Variants in PTPRZ1 observed in about 807,000 individuals in gnomAD.
PTPRZ1 encodes receptor-type tyrosine-protein phosphatase zeta.
Under a neutral mutation model 214.1 loss-of-function variants are expected in PTPRZ1, and 82 were observed. The ratio of observed to expected loss-of-function variants is 0.38; its 90% CI spans 0.32 to 0.46. PTPRZ1 has a LOEUF of 0.46. Among genes scored for constraint, PTPRZ1 ranks in the 20% least tolerant of loss-of-function variants. PTPRZ1 has a pLI of 1.00. For missense variants in PTPRZ1, 2,603 were observed against 2,748.7 expected, an observed-to-expected ratio of 0.95 and a Z score of 1.19; for synonymous variants, 945 against 987.9, an observed-to-expected ratio of 0.96 and a Z score of 0.81.
At chr7:121,995,086 T>C (rs1211892746) in intron 8 of PTPRZ1, among the ~76,000 whole-genome samples, 1 of 152,228 alleles carries the variant, frequency 6.6e-6, no homozygotes, top group Admixed American at 6.5e-5. Context: ...GCTAAAATTG[T>C]GACTACTAAG....
chr7:121,902,654 A>G (rs116289050), intron 1 of PTPRZ1, among the ~76,000 whole-genome samples: 4,279 of 152,010 alleles, frequency 0.028, 206 homozygotes, highest in African/African-American at 0.097. Context: ...TGCCATTTGT[A>G]TGTCTTCTTT....
At chr7:121,983,413 T>A (rs1298557745) in intron 6 of PTPRZ1, among the ~76,000 whole-genome samples, 1 of 152,246 alleles carries the variant, frequency 6.6e-6, no homozygotes, top group African/African-American at 2.4e-5. Context: ...GATTTCTGAG[T>A]ATTTTTATAT....
intron 8 of PTPRZ1, among the ~76,000 whole-genome samples, chr7:121,986,924 A>C (rs1321518159): frequency 4.6e-5 from 7 of 152,136 alleles, no homozygotes; most frequent in Admixed American, 4.6e-4. Flanking sequence ...CACACCAACT[A>C]CTTTGTTATG....
chr7:121,956,935 A>C (rs1796724525), intron 2 of PTPRZ1, among the ~76,000 whole-genome samples: 1 of 152,200 alleles, frequency 6.6e-6, no homozygotes, highest in African/African-American at 2.4e-5. Context: ...ACAATAATGA[A>C]ATGTTGTGTC....
At chr7:121,981,447 A>C (rs922375400) in intron 6 of PTPRZ1, among the ~76,000 whole-genome samples, 9 of 152,214 alleles carry the variant, frequency 5.9e-5, no homozygotes, top group Non-Finnish European at 1.2e-4. Context: ...TAATGGCCTT[A>C]ATCTCATAGA....
chr7:121,916,208 A>C (rs758711034), intron 1 of PTPRZ1, among the ~76,000 whole-genome samples: 16 of 145,462 alleles, frequency 1.1e-4, no homozygotes, highest in Non-Finnish European at 1.8e-4. Context: ...TGGGAGCCGG[A>C]GGTTGCAGTG....
At chr7:121,930,881 A>G (rs1171486899) in intron 2 of PTPRZ1, among the ~76,000 whole-genome samples, 1 of 152,188 alleles carries the variant, frequency 6.6e-6, no homozygotes, top group East Asian at 1.9e-4. Context: ...ATTATGAGAA[A>G]CATGTCAGGA....
At chr7:121,916,229 G>A (rs957827304) in intron 1 of PTPRZ1, among the ~76,000 whole-genome samples, 14 of 148,596 alleles carry the variant, frequency 9.4e-5, no homozygotes, top group South Asian at 2.1e-4. Context: ...AGCCGAGATC[G>A]TGCCACTGCA....
chr7:121,890,452 T>A (rs1222512643), intron 1 of PTPRZ1, among the ~76,000 whole-genome samples: 2 of 152,164 alleles, frequency 1.3e-5, no homozygotes, highest in Admixed American at 6.5e-5. Flanking sequence ...CACACTTGCA[T>A]CATGTCTTCT....
intron 2 of PTPRZ1, among the ~76,000 whole-genome samples, chr7:121,932,933 G>A (rs987788135): frequency 6.6e-6 from 1 of 152,068 alleles, no homozygotes; most frequent in Non-Finnish European, 1.5e-5. Context: ...GGTAAATACA[G>A]TTGACAGTCC....
chr7:121,996,625 A>G, intron 9 of PTPRZ1, 59 bp downstream of exon 9: 1 of 1,298,922 alleles, frequency 7.7e-7, no homozygotes, highest in Non-Finnish European at 1.0e-6. Context: ...TTCCAAGGTA[A>G]GAACTTACAA....
At chr7:121,949,660 A>G (rs1223407388) in intron 2 of PTPRZ1, among the ~76,000 whole-genome samples, 1 of 152,188 alleles carries the variant, frequency 6.6e-6, no homozygotes, top group Non-Finnish European at 1.5e-5. Flanking sequence ...GTCAGAGCAC[A>G]GTTTGGCTTT....
At chr7:121,990,582 C>T (rs755831413) in intron 8 of PTPRZ1, among the ~76,000 whole-genome samples, 28 of 124,172 alleles carry the variant, frequency 2.3e-4, no homozygotes, top group Non-Finnish European at 3.9e-4. Context: ...CACAGTGTAT[C>T]GATCTCTGCT....
intron 5 of PTPRZ1, 26 bp from the exon 6 acceptor site, chr7:121,976,759 T>C (rs1436956426): frequency 5.9e-6 from 9 of 1,538,404 alleles, no homozygotes; most frequent in Non-Finnish European, 6.2e-6. Context: ...TTATTCTTTT[T>C]TTAGAATGTG....
intron 13 of PTPRZ1, among the ~76,000 whole-genome samples, chr7:122,025,215 A>G (rs555917649): frequency 6.6e-6 from 1 of 152,328 alleles, no homozygotes; most frequent in Admixed American, 6.5e-5. Context: ...CAATTACACT[A>G]ACCACCAATT....
intron 3 of PTPRZ1, among the ~76,000 whole-genome samples, chr7:121,971,456 T>C (rs539264303): frequency 6.6e-6 from 1 of 152,144 alleles, no homozygotes; most frequent in East Asian, 1.9e-4. Context: ...GAGGGTTTTG[T>C]TTTTCTTAGG....
At chr7:122,055,154 G>A (rs1792310479) in intron 27 of PTPRZ1, 67 bp downstream of exon 27, 3 of 1,272,296 alleles carry the variant, frequency 2.4e-6, no homozygotes, top group Non-Finnish European at 3.2e-6. Context: ...CTGACCTAAG[G>A]ATCTGTCCTA....
intron 13 of PTPRZ1, among the ~76,000 whole-genome samples, chr7:122,023,690 T>G (rs1799107384): frequency 7.6e-6 from 1 of 132,184 alleles, no homozygotes; most frequent in Non-Finnish European, 1.6e-5. Flanking sequence ...ATTTTATATA[T>G]TATATGTATA....
chr7:122,051,975 T>A, intron 25 of PTPRZ1, 36 bp downstream of exon 25: 1 of 1,532,098 alleles, frequency 6.5e-7, no homozygotes, highest in Non-Finnish European at 8.8e-7. Flanking sequence ...ACTGCCAGCT[T>A]GTGTTACAGG....
Sources: gnomAD v4.1 joint callset for allele counts (sites outside exome capture counted in the v4.1 genomes callset) on GRCh38, gnomAD v4.1.1 for gene constraint, MANE v1.5 for transcripts, NCBI Gene and HGNC (gene_info 2026-07-23, HGNC 2026-07-21) for gene names.